Variants in OSBPL6 observed in about 807,000 individuals in gnomAD.
OSBPL6 encodes the protein oxysterol-binding protein-related protein 6.
Under a neutral mutation model 125.8 loss-of-function variants are expected in OSBPL6, and 49 were observed. That is an observed-to-expected ratio of 0.39 (90% CI 0.31 to 0.49). The LOEUF is 0.49. Ranked by LOEUF, OSBPL6 falls within the 20% of genes least tolerant of loss-of-function variation. OSBPL6 has a pLI of 0.88. For synonymous variants in OSBPL6, 394 were observed against 391.8 expected (o/e 1.01, Z -0.07); for missense variants, 986 against 1,135.4 (o/e 0.87, Z 1.89).
intron 4 of OSBPL6, among the ~76,000 whole-genome samples, chr2:178,324,558 A>C (rs111432109): frequency 4.1e-4 from 62 of 152,362 alleles, no homozygotes; most frequent in African/African-American, 1.5e-3. Context: ...GGAGATAAAC[A>C]AATATTTCTA....
intron 1 of OSBPL6, among the ~76,000 whole-genome samples, chr2:178,205,131 A>T (rs779629682): frequency 6.6e-6 from 1 of 152,170 alleles, no homozygotes; most frequent in Non-Finnish European, 1.5e-5. Flanking sequence ...AGTTTCCTGT[A>T]GCTCCAAAGC....
At chr2:178,260,357 C>CTGTATG (rs1553536459) in intron 1 of OSBPL6, among the ~76,000 whole-genome samples, 1 of 151,248 alleles carries the variant, frequency 6.6e-6, no homozygotes, top group East Asian at 1.9e-4. Context: ...GACTTCCAAG[C>CTGTATG]TATATGTATA....
chr2:178,325,735 C>T (rs550314193), intron 4 of OSBPL6, among the ~76,000 whole-genome samples: 1 of 152,314 alleles, frequency 6.6e-6, no homozygotes, highest in Admixed American at 6.5e-5. Context: ...CAATATTGTT[C>T]TCACTTTACT....
Position 178,292,123 on chromosome 2 carries a change from T to A in OSBPL6, c.-156+7002T>A, listed in dbSNP as rs181535995. Reference sequence around the variant, plus strand: ...TCCCATCCCCCACCCTCCAGTAAACTTTTTTTTCCCCGAAACTCAATGATT... The same window carrying A: ...TCCCATCCCCCACCCTCCAGTAAACATTTTTTTCCCCGAAACTCAATGATT... On this transcript the variant is annotated intron_variant, in intron 2 of 24. Transcript: ENST00000190611. 2.0e-4 allele frequency among the ~76,000 whole-genome samples: 30 copies of A among 151,516 alleles called. 1 individual carries two copies. The East Asian group carries it at 4.7e-3, about 24-fold the overall frequency.
At chr2:178,238,662 A>G (rs950633060) in intron 1 of OSBPL6, among the ~76,000 whole-genome samples, 4 of 152,234 alleles carry the variant, frequency 2.6e-5, no homozygotes, top group African/African-American at 7.2e-5. Flanking sequence ...AGTTATGGCC[A>G]TAATACTTGA....
intron 13 of OSBPL6, among the ~76,000 whole-genome samples, chr2:178,368,471 A>G (rs955134006): frequency 1.3e-5 from 2 of 152,226 alleles, no homozygotes; most frequent in Non-Finnish European, 2.9e-5. Flanking sequence ...CAACATGCTT[A>G]ACATCTGGCT....
intron 12 of OSBPL6, among the ~76,000 whole-genome samples, chr2:178,358,469 A>G (rs902873156): frequency 6.6e-6 from 1 of 152,136 alleles, no homozygotes; most frequent in African/African-American, 2.4e-5. Context: ...ACTAATTTTC[A>G]ACAAAGGCAC....
intron 3 of OSBPL6, chr2:178,323,913 A>C (rs1380879955): frequency 2.2e-5 from 6 of 274,068 alleles, no homozygotes; most frequent in Non-Finnish European, 4.1e-5. Context: ...TGTATCATAA[A>C]ATTTTTCGAG....
At chr2:178,270,280 A>G (rs1420471364) in intron 1 of OSBPL6, among the ~76,000 whole-genome samples, 1 of 152,230 alleles carries the variant, frequency 6.6e-6, no homozygotes, top group Non-Finnish European at 1.5e-5. Context: ...AGAATCATAA[A>G]GCATGACTAT....
chr2:178,219,458 A>G (rs1052983739), intron 1 of OSBPL6, among the ~76,000 whole-genome samples: 1 of 152,144 alleles, frequency 6.6e-6, no homozygotes. Context: ...TTCCATAACA[A>G]TTGGGTTTGG....
chr2:178,233,897 C>T (rs965634513), intron 1 of OSBPL6, among the ~76,000 whole-genome samples: 6 of 152,160 alleles, frequency 3.9e-5, no homozygotes, highest in Non-Finnish European at 5.9e-5. Context: ...ATATTATTCA[C>T]AGTAGACACA....
At chr2:178,213,864 C>T (rs948908853) in intron 1 of OSBPL6, among the ~76,000 whole-genome samples, 1 of 152,166 alleles carries the variant, frequency 6.6e-6, no homozygotes, top group Non-Finnish European at 1.5e-5. Flanking sequence ...TGCTCTTCCT[C>T]CTGTCCTCTG....
At chr2:178,227,070 A>G (rs1187795169) in intron 1 of OSBPL6, among the ~76,000 whole-genome samples, 1 of 152,240 alleles carries the variant, frequency 6.6e-6, no homozygotes, top group African/African-American at 2.4e-5. Flanking sequence ...AGTAGAATAT[A>G]TTAAGAATAT....
At chr2:178,333,324 G>A (rs1287096158) in intron 8 of OSBPL6, among the ~76,000 whole-genome samples, 1 of 152,216 alleles carries the variant, frequency 6.6e-6, no homozygotes, top group South Asian at 2.1e-4. Flanking sequence ...GGCGGAGGTT[G>A]TAGTGAGCCA....
At chr2:178,392,139 A>G (rs1695459769) in intron 22 of OSBPL6, among the ~76,000 whole-genome samples, 1 of 152,250 alleles carries the variant, frequency 6.6e-6, no homozygotes, top group African/African-American at 2.4e-5. Flanking sequence ...GAGAAATATT[A>G]TGGAGTAGTT....
chr2:178,241,274 C>A (rs1283862239), intron 1 of OSBPL6, among the ~76,000 whole-genome samples: 1 of 151,854 alleles, frequency 6.6e-6, no homozygotes, highest in Admixed American at 6.6e-5. Flanking sequence ...CCACCACGCC[C>A]AGCTAATTTT....
rs1696105874 is a variant in OSBPL6 at position 178,401,628 on chromosome 2, G to A, written c.*6069G>A. The A allele has an allele frequency of 6.6e-6, 1 of 152,206 alleles. No individual in the cohort carries two copies. The highest frequency in any genetic ancestry group is 1.5e-5 in the Non-Finnish European group (1 of 68,044). 9.4% of individuals were successfully genotyped at this position (152,206 alleles called of 1,614,324 possible). ...AGAGAAATGGAATCTGGGGAAAAAA[G>A]TAGGTTCTCTAACTGGGGCAGGGAT... On this transcript the variant is annotated 3_prime_UTR_variant, in exon 25 of 25. Transcript: ENST00000190611.
chr2:178,286,804 G>A (rs1261452396), intron 2 of OSBPL6, among the ~76,000 whole-genome samples: 3 of 152,114 alleles, frequency 2.0e-5, no homozygotes, highest in East Asian at 1.9e-4. Flanking sequence ...ACACCAGGGC[G>A]ACTCAGAGAA....
intron 12 of OSBPL6, among the ~76,000 whole-genome samples, chr2:178,355,596 T>C (rs2154094214): frequency 6.6e-6 from 1 of 152,268 alleles, no homozygotes; most frequent in Middle Eastern, 3.4e-3. Context: ...CAATAATTAA[T>C]AGCCTACCAA....
Sources: allele counts gnomAD v4.1 joint callset (sites outside exome capture counted in the v4.1 genomes callset), GRCh38; gene constraint gnomAD v4.1.1; transcripts MANE v1.5; gene names NCBI Gene and HGNC (gene_info 2026-07-23, HGNC 2026-07-21).